CDRT4: variants seen among roughly 807,000 people sequenced by gnomAD.
CDRT4 encodes the protein CMT1A duplicated region transcript 4 protein.
For missense variants in CDRT4, 167 were observed against 193.1 expected, an observed-to-expected ratio of 0.87 and a Z score of 0.80; for synonymous variants, 64 against 69.6, an observed-to-expected ratio of 0.92 and a Z score of 0.40.
intron 2 of CDRT4, among the ~76,000 whole-genome samples, chr17:15,447,412 C>A (rs895732262): frequency 5.9e-5 from 9 of 152,146 alleles, no homozygotes; most frequent in Non-Finnish European, 7.4e-5. Flanking sequence ...GTTTAAATGC[C>A]AGCCTCATTG....
chr17:15,467,068 G>C (rs891117964), intron 1 of CDRT4, among the ~76,000 whole-genome samples: 3 of 151,718 alleles, frequency 2.0e-5, no homozygotes, highest in African/African-American at 7.3e-5. Context: ...CCCAGGGGAT[G>C]GGGGGGAACG....
At chr17:15,442,036 C>T (rs2150785939) in intron 2 of CDRT4, among the ~76,000 whole-genome samples, 2 of 152,314 alleles carry the variant, frequency 1.3e-5, no homozygotes, top group African/African-American at 4.8e-5. Flanking sequence ...CAGCACATGA[C>T]ACGCAAGTGG....
At chr17:15,453,879 C>T (rs1979371220) in intron 1 of CDRT4, among the ~76,000 whole-genome samples, 1 of 152,132 alleles carries the variant, frequency 6.6e-6, no homozygotes, top group African/African-American at 2.4e-5. Context: ...AGAAACTATC[C>T]TTGGAGTGCC....
intron 1 of CDRT4, among the ~76,000 whole-genome samples, chr17:15,457,432 C>A (rs984833070): frequency 3.3e-5 from 5 of 152,230 alleles, no homozygotes; most frequent in Non-Finnish European, 7.3e-5. Context: ...ACAACAAACC[C>A]TGCCTGGGCA....
At position 15,441,509 on chromosome 17, in the gene CDRT4, G is replaced by A. The variant is rs532924091; in HGVS notation, c.-47-1224C>T. On this transcript the variant is annotated intron_variant, in intron 2 of 3. Coordinates refer to ENST00000619038, the MANE Select transcript of CDRT4 (RefSeq NM_001204477.2). ...GCCTTTTTTATCAGCTGCCACGTAC[G>A]TGAGGGCTGACTCATTTCTGCATGG... 2.6e-3 allele frequency among the ~76,000 whole-genome samples: 399 copies of A among 152,182 alleles called. 2 individuals are homozygous for A. The highest frequency in any genetic ancestry group is 0.02 in the South Asian group (94 of 4,804).
chr17:15,444,127 T>A, intron 2 of CDRT4: 4 of 1,286,434 alleles, frequency 3.1e-6, no homozygotes, highest in Non-Finnish European at 4.4e-6. Context: ...AACAAGGCAA[T>A]CAGGAAATTT....
At chr17:15,445,800 G>A (rs729355) in intron 2 of CDRT4, among the ~76,000 whole-genome samples, 22,481 of 152,060 alleles carry the variant, frequency 0.15, 2,926 homozygotes, top group East Asian at 0.48. Context: ...GCTCCAATCT[G>A]CAAGGCTTCT....
At chr17:15,454,049 G>T (rs748894397) in intron 1 of CDRT4, among the ~76,000 whole-genome samples, 12 of 152,294 alleles carry the variant, frequency 7.9e-5, no homozygotes, top group African/African-American at 2.9e-4. Flanking sequence ...GTTCAGGCTG[G>T]AGAAATTAGT....
rs1979926549 is a variant in CDRT4, at chr17:15,464,936, C to CACACACACACCAACACACAG, written c.-130+2504_-130+2523dup. On this transcript the variant is annotated intron_variant, in intron 1 of 3. Transcript: ENST00000619038. This position sits in a 1 kb window ranked among gnomAD's most constrained non-coding sequence, Gnocchi z 4.5. ...CAAGAAAGTGCAAGTGGGTGCAACACACACACACACCAACACACAGACACA... is the reference window on the plus strand; with the variant it reads ...CAAGAAAGTGCAAGTGGGTGCAACACACACACACACCAACACACAGACACACACACCAACACACAGACACA... 6.6e-6 allele frequency among the ~76,000 whole-genome samples: 1 copy of CACACACACACCAACACACAG among 152,022 alleles called. No homozygotes were observed. The highest frequency in any genetic ancestry group is 2.4e-5 in the African/African-American group (1 of 41,376).
rs1468237753 is a variant in CDRT4 at position 15,453,043 on chromosome 17, A to C, written c.-87T>G. On this transcript the variant is annotated 5_prime_UTR_variant, in exon 2 of 4. Transcript: ENST00000619038. ...TGCCTTCCTCTTCTCCCAGCTGAAA[A>C]CTCTCTCTTAAAGTTCCTGGTGCAG... The C allele has an allele frequency of 6.6e-6, 1 of 151,454 alleles. No individual in the cohort carries two copies. The highest frequency in any genetic ancestry group is 1.5e-5 in the Non-Finnish European group (1 of 67,898). The allele number at this position is 151,454 out of a possible 1,614,324, so 9.4% of individuals were successfully genotyped here. A position where few individuals can be genotyped will look rare whatever the true frequency, so the allele number is the denominator to read the frequency against.
intron 1 of CDRT4, among the ~76,000 whole-genome samples, chr17:15,458,873 T>TG (rs1271063573): frequency 1.3e-5 from 2 of 152,132 alleles, no homozygotes; most frequent in Non-Finnish European, 2.9e-5. Context: ...TGCAATTCAT[T>TG]GGATCCCACC....
rs1485085741 is a variant in CDRT4, at chr17:15,450,289, C to T, written c.-48+2715G>A. Among the ~76,000 whole-genome samples, 3 of 152,216 alleles carry T rather than the reference C, an allele frequency of 2.0e-5. No homozygotes were observed. The highest frequency in any genetic ancestry group is 1.9e-4 in the East Asian group (1 of 5,202). ...CCATCAAGAACTCCCTCATCTCCCA[C>T]CATCACTCGTACCAACTCTCCACCA... On this transcript the variant is annotated intron_variant, in intron 2 of 3. Transcript: ENST00000619038. The surrounding 1 kb of genome is among the most constrained non-coding windows in gnomAD (Gnocchi z 4.2).
rs548219547 is a variant in CDRT4, at chr17:15,464,548, G to C, written c.-130+2912C>G. Among the ~76,000 whole-genome samples, 1 of 152,088 alleles carries C rather than the reference G, an allele frequency of 6.6e-6. No homozygotes were observed. The highest frequency in any genetic ancestry group is 1.9e-4 in the East Asian group (1 of 5,164). On this transcript the variant is annotated intron_variant, in intron 1 of 3. Coordinates refer to ENST00000619038, the MANE Select transcript of CDRT4 (RefSeq NM_001204477.2). This position sits in a 1 kb window ranked among gnomAD's most constrained non-coding sequence, Gnocchi z 4.5. Reference sequence around the variant, plus strand: ...GAGCTGGGTAACAAGTCCTGGGGTGGGGTTTCTGTGTCCTTTCCTGTGCCC... The same window carrying C: ...GAGCTGGGTAACAAGTCCTGGGGTGCGGTTTCTGTGTCCTTTCCTGTGCCC...
intron 3 of CDRT4, 87 bp from the exon 4 acceptor site, chr17:15,438,287 G>T: frequency 7.6e-7 from 1 of 1,322,788 alleles, no homozygotes; most frequent in Non-Finnish European, 1.0e-6. Context: ...ATTGGAACCA[G>T]ATTTTGAAGT....
In CDRT4 at chr17:15,436,905, C is replaced by T. The variant is rs751660747; in HGVS notation, c.*868G>A. On this transcript the variant is annotated 3_prime_UTR_variant, in exon 4 of 4. Coordinates refer to ENST00000619038, the MANE Select transcript of CDRT4 (RefSeq NM_001204477.2). ...GCTTTGTGCCCTGATAGGCTCAGCC[C>T]CCAGGGGGAGCTAGAAGGAATCTGC... is the stretch of plus-strand genomic sequence containing the variant. 12 of 152,176 alleles carry T rather than the reference C, an allele frequency of 7.9e-5. No homozygotes were observed. Among genetic ancestry groups the T allele is most frequent in the Non-Finnish European group, 1.0e-4 (7 of 68,044 alleles). 9.4% of individuals were successfully genotyped at this position (152,176 alleles called of 1,614,324 possible). A position where few individuals can be genotyped will look rare whatever the true frequency, so the allele number is the denominator to read the frequency against.
chr17:15,442,939 C>A (rs916389989), intron 2 of CDRT4, among the ~76,000 whole-genome samples: 7 of 152,162 alleles, frequency 4.6e-5, no homozygotes, highest in Admixed American at 4.6e-4. Context: ...AAATGAAATG[C>A]AAACCAGCAG....
At position 15,437,028 on chromosome 17, in the gene CDRT4, C is replaced by CT. The variant is rs1036395653; in HGVS notation, c.*744dup. The CT allele has an allele frequency of 1.3e-5, 2 of 152,208 alleles. No homozygotes were observed. The highest frequency in any genetic ancestry group is 1.5e-5 in the Non-Finnish European group (1 of 68,040). The allele number at this position is 152,208 out of a possible 1,614,324, so 9.4% of individuals were successfully genotyped here. ...TTCCTGTCCCTTGCCAGACAGGTTG[C>CT]TAACCCTAGCAGTGCTTTTTCTTCA... On this transcript the variant is annotated 3_prime_UTR_variant, in exon 4 of 4. Coordinates refer to ENST00000619038, the MANE Select transcript of CDRT4 (RefSeq NM_001204477.2).
chr17:15,439,933 C>T (rs889050279), intron 3 of CDRT4, among the ~76,000 whole-genome samples: 1 of 151,894 alleles, frequency 6.6e-6, no homozygotes, highest in African/African-American at 2.4e-5. Context: ...CACACTGGGG[C>T]CTGTTTGTGG....
At chr17:15,467,376 C>T (rs1406868569) in intron 1 of CDRT4, 84 bp downstream of exon 1, 1 of 152,180 alleles carries the variant, frequency 6.6e-6, no homozygotes, top group Non-Finnish European at 1.5e-5. Flanking sequence ...CTGACCTTCT[C>T]CTGGAAGTTG....
Sources: allele counts gnomAD v4.1 joint callset (sites outside exome capture counted in the v4.1 genomes callset), GRCh38; gene constraint gnomAD v4.1.1; non-coding constraint Gnocchi (gnomAD v3.1); transcripts MANE v1.5; gene names NCBI Gene and HGNC (gene_info 2026-07-23, HGNC 2026-07-21).